CDC42BPA: variants seen among roughly 807,000 people sequenced by gnomAD.
CDC42BPA encodes serine/threonine-protein kinase MRCK alpha.
Under a neutral mutation model 223.5 loss-of-function variants are expected in CDC42BPA, and 80 were observed. The ratio of observed to expected loss-of-function variants is 0.36; its 90% confidence interval spans 0.30 to 0.43. The LOEUF (loss-of-function observed/expected upper bound fraction) is 0.43. CDC42BPA is among the 20% of genes least tolerant of loss of function. The pLI is 1.00. For synonymous variants in CDC42BPA, 694 were observed against 718.6 expected (o/e 0.97, Z 0.55); for missense variants, 1,743 against 2,099.9 (o/e 0.83, Z 3.32).
chr1:227,297,665 TAAATG>T (rs1394216279), intron 1 of CDC42BPA, among the ~76,000 whole-genome samples: 1 of 152,098 alleles, frequency 6.6e-6, no homozygotes, highest in African/African-American at 2.4e-5. Flanking sequence ...AATAGCATGC[TAAATG>T]AAATATGCCA....
chr1:227,024,662 G>A (rs1309608974), intron 31 of CDC42BPA, among the ~76,000 whole-genome samples: 1 of 152,080 alleles, frequency 6.6e-6, no homozygotes, highest in Non-Finnish European at 1.5e-5. Context: ...CAGTGGATGA[G>A]TAAAGAAAGC....
chr1:227,172,220 A>G (rs762487137), intron 5 of CDC42BPA, among the ~76,000 whole-genome samples: 17 of 152,196 alleles, frequency 1.1e-4, no homozygotes, highest in Non-Finnish European at 1.9e-4. Context: ...TGGAACATTA[A>G]TTTGGGGTTC....
chr1:227,179,988 A>C (rs1200791177), intron 5 of CDC42BPA, among the ~76,000 whole-genome samples: 1 of 152,116 alleles, frequency 6.6e-6, no homozygotes, highest in African/African-American at 2.4e-5. Flanking sequence ...AGGGCGGATC[A>C]CTGGGGTTAG....
chr1:227,044,484 T>C (rs1396870187), intron 23 of CDC42BPA, among the ~76,000 whole-genome samples: 1 of 152,218 alleles, frequency 6.6e-6, no homozygotes, highest in Non-Finnish European at 1.5e-5. Flanking sequence ...TAAAATGGTA[T>C]TACAATGCTT....
At chr1:227,293,390 A>C (rs1227794489) in intron 1 of CDC42BPA, among the ~76,000 whole-genome samples, 2 of 152,210 alleles carry the variant, frequency 1.3e-5, no homozygotes, top group Non-Finnish European at 2.9e-5. Flanking sequence ...CTAAATCCTC[A>C]AGCTTACAGA....
chr1:227,031,717 T>C (rs1015871544), intron 27 of CDC42BPA, among the ~76,000 whole-genome samples: 3 of 152,144 alleles, frequency 2.0e-5, no homozygotes, highest in African/African-American at 7.2e-5. Flanking sequence ...CAGACACCAT[T>C]TGAAATGTTA....
chr1:227,236,089 G>A (rs1029222760), intron 2 of CDC42BPA, among the ~76,000 whole-genome samples: 7 of 152,190 alleles, frequency 4.6e-5, no homozygotes, highest in Middle Eastern at 3.4e-3. Flanking sequence ...TATTTTCTAT[G>A]TACCTCAGGT....
rs546742024 is a variant in CDC42BPA, at chr1:227,313,681, G to C, written c.178+3324C>G. 7.9e-5 allele frequency among the ~76,000 whole-genome samples: 12 copies of C among 152,162 alleles called. No individual in the cohort carries two copies. In the South Asian group the frequency reaches 2.5e-3, roughly 32 times the overall value. ...CAGGAAAAGCTAACAATGAGGAACAGCATATGTGAAGAACAAAAGTGTCCT... is the reference window on the plus strand; with the variant it reads ...CAGGAAAAGCTAACAATGAGGAACACCATATGTGAAGAACAAAAGTGTCCT... On this transcript the variant is annotated intron_variant, in intron 1 of 36. Transcript: ENST00000366766.
intron 2 of CDC42BPA, among the ~76,000 whole-genome samples, chr1:227,233,370 T>G (rs73094400): frequency 0.16 from 23,799 of 152,014 alleles, 2,295 homozygotes; most frequent in African/African-American, 0.26. Context: ...ATCTAGGACC[T>G]CCAGTAACAT....
intron 2 of CDC42BPA, among the ~76,000 whole-genome samples, chr1:227,242,053 C>T (rs1680113820): frequency 6.6e-6 from 1 of 151,908 alleles, no homozygotes; most frequent in Admixed American, 6.6e-5. Context: ...AAATTATAAA[C>T]AAAATATCAG....
intron 34 of CDC42BPA, among the ~76,000 whole-genome samples, chr1:227,011,547 G>C (rs1052592013): frequency 7.9e-5 from 12 of 152,180 alleles, no homozygotes; most frequent in Middle Eastern, 3.4e-3. Flanking sequence ...TGTTTTTACT[G>C]ATTTTATTTC....
intron 5 of CDC42BPA, among the ~76,000 whole-genome samples, chr1:227,175,359 T>C (rs933027244): frequency 1.3e-5 from 2 of 151,998 alleles, no homozygotes; most frequent in Non-Finnish European, 2.9e-5. Flanking sequence ...CAGAGAGACA[T>C]CATAAAATAT....
chr1:227,174,254 G>T (rs1488826438), intron 5 of CDC42BPA, among the ~76,000 whole-genome samples: 2 of 152,008 alleles, frequency 1.3e-5, no homozygotes, highest in Admixed American at 1.3e-4. Flanking sequence ...TCCTCCATTA[G>T]CAATATGAAA....
chr1:227,015,205 C>T (rs1386040084), intron 34 of CDC42BPA, among the ~76,000 whole-genome samples: 1 of 151,934 alleles, frequency 6.6e-6, no homozygotes, highest in African/African-American at 2.4e-5. Context: ...GGTGGGTGGA[C>T]CGCAAGGTCA....
intron 21 of CDC42BPA, among the ~76,000 whole-genome samples, chr1:227,065,224 C>T (rs1273049604): frequency 1.3e-5 from 2 of 152,138 alleles, no homozygotes; most frequent in Non-Finnish European, 2.9e-5. Flanking sequence ...TTAAAAAAGT[C>T]ACTCTTAAAA....
At chr1:227,226,454 T>C (rs1170960753) in intron 2 of CDC42BPA, among the ~76,000 whole-genome samples, 1 of 152,174 alleles carries the variant, frequency 6.6e-6, no homozygotes, top group African/African-American at 2.4e-5. Flanking sequence ...CAGGATGCAA[T>C]TATATCATAG....
intron 2 of CDC42BPA, among the ~76,000 whole-genome samples, chr1:227,216,008 A>C (rs1054511659): frequency 1.3e-5 from 2 of 152,184 alleles, no homozygotes; most frequent in African/African-American, 4.8e-5. Flanking sequence ...TGACAGAAAA[A>C]TTACTCATAC....
intron 21 of CDC42BPA, among the ~76,000 whole-genome samples, chr1:227,056,501 C>A (rs1319444256): frequency 6.6e-6 from 1 of 152,000 alleles, no homozygotes; most frequent in Non-Finnish European, 1.5e-5. Context: ...GATCCTCCTA[C>A]CTCAGCCTCT....
At chr1:227,202,233 T>C (rs6426591) in intron 3 of CDC42BPA, among the ~76,000 whole-genome samples, 104,013 of 151,634 alleles carry the variant, frequency 0.69, 35,844 homozygotes, top group South Asian at 0.74. Context: ...CCGCCCACCT[T>C]GGCCTCCCAA....
Sources: allele counts gnomAD v4.1 joint callset (sites outside exome capture counted in the v4.1 genomes callset), GRCh38; gene constraint gnomAD v4.1.1; transcripts MANE v1.5; gene names NCBI Gene and HGNC (gene_info 2026-07-23, HGNC 2026-07-21).